The following SRBD1 variants were observed in gnomAD, a reference collection of about 807,000 sequenced individuals.
The protein encoded by SRBD1 is S1 RNA binding domain 1.
A neutral mutation model predicts 115.3 loss-of-function variants in SRBD1; 88 were observed. That is an observed-to-expected ratio of 0.76 (90% CI 0.64 to 0.91). The LOEUF (loss-of-function observed/expected upper bound fraction) is 0.91. SRBD1 is among the 40% of genes least tolerant of loss of function. The pLI, the probability that SRBD1 is intolerant of heterozygous loss-of-function variation, is 0.00. For synonymous variants in SRBD1, 509 were observed against 407.7 expected, an observed-to-expected ratio of 1.25 and a Z score of -2.99; for missense variants, 1,385 against 1,177.4, an observed-to-expected ratio of 1.18 and a Z score of -2.58.
At chr2:45,398,186 A>G (rs1274380095) in intron 19 of SRBD1, among the ~76,000 whole-genome samples, 2 of 152,210 alleles carry the variant, frequency 1.3e-5, no homozygotes, top group African/African-American at 4.8e-5. Flanking sequence ...ACATACTAAG[A>G]TAAACATTTT....
chr2:45,553,674 A>G lies in SRBD1; in HGVS notation c.1466T>C (p.Leu489Pro), dbSNP rs771814222. Reference sequence around the variant, plus strand: ...AATAAGGCGTTTAAAGGAATCATTCAGTGAATTATATAAGATCTTCATTAA... The same window carrying G: ...AATAAGGCGTTTAAAGGAATCATTCGGTGAATTATATAAGATCTTCATTAA... ...PELMKILYNS[L>P]NDSFKRLIYP... The change falls in exon 11 of 21, where the codon CTG (leucine) becomes CCG (proline). Residue 489 changes from leucine to proline, a missense_variant. Physicochemically the swap from Leu to Pro is moderately conservative, Grantham distance 98. Coordinates refer to ENST00000263736, the MANE Select transcript of SRBD1 (RefSeq NM_018079.5). The G allele has an allele frequency of 6.2e-7, 1 of 1,608,724 alleles. No homozygotes were observed. The highest frequency in any genetic ancestry group is 8.5e-7 in the Non-Finnish European group (1 of 1,177,826).
chr2:45,565,994 A>T (rs1160706966), intron 9 of SRBD1, among the ~76,000 whole-genome samples: 1 of 152,226 alleles, frequency 6.6e-6, no homozygotes. Context: ...CAAATGACTG[A>T]TAAGTACATG....
intron 4 of SRBD1, among the ~76,000 whole-genome samples, chr2:45,596,138 C>T (rs1280539365): frequency 6.6e-6 from 1 of 152,174 alleles, no homozygotes. Flanking sequence ...AGTCACTATT[C>T]CCACAACACA....
chr2:45,549,352 C>G (rs530901421), intron 12 of SRBD1, among the ~76,000 whole-genome samples: 2 of 151,326 alleles, frequency 1.3e-5, no homozygotes, highest in East Asian at 3.9e-4. Context: ...TAGAGATATA[C>G]AGTGAGAACA....
chr2:45,517,407 A>G (rs1241076871), intron 14 of SRBD1, among the ~76,000 whole-genome samples: 1 of 152,230 alleles, frequency 6.6e-6, no homozygotes, highest in Non-Finnish European at 1.5e-5. Flanking sequence ...AAAGAAGACT[A>G]AAAAACAAGT....
At chr2:45,571,743 A>G (rs1673025914) in intron 9 of SRBD1, among the ~76,000 whole-genome samples, 3 of 152,082 alleles carry the variant, frequency 2.0e-5, no homozygotes. Flanking sequence ...AAGTACAATG[A>G]CTGAAATAAA....
At chr2:45,558,891 C>T (rs1178520329) in intron 10 of SRBD1, among the ~76,000 whole-genome samples, 1 of 152,014 alleles carries the variant, frequency 6.6e-6, no homozygotes, top group Non-Finnish European at 1.5e-5. Context: ...AGGGTTTCGC[C>T]ATGTTGGTCA....
intron 12 of SRBD1, among the ~76,000 whole-genome samples, chr2:45,548,627 G>C (rs1672193940): frequency 6.6e-6 from 1 of 151,378 alleles, no homozygotes; most frequent in South Asian, 2.1e-4. Context: ...TCTAAGGAAA[G>C]TGTGACTTGA....
chr2:45,413,207 T>C lies in SRBD1; in HGVS notation c.2420A>G (p.Lys807Arg). The C allele has an allele frequency of 6.2e-7, 1 of 1,614,138 alleles. No individual in the cohort carries two copies. ...ATTCACTGCAGTTTTGCTCTTCTTT[T>C]TGCCCTGCTTCTCATTTGTGACCTC... ...DVEVTNEKQG[K>R]KKSKTAVNVL... Residue 807 changes from lysine (K) to arginine (R), a missense_variant, in exon 19 of 21, where the codon AAA (lysine) becomes AGA (arginine). Lys to Arg is a conservative substitution (Grantham distance 26). Coordinates refer to ENST00000263736, the MANE Select transcript of SRBD1 (RefSeq NM_018079.5).
At chr2:45,466,583 G>C (rs1180724629) in intron 16 of SRBD1, among the ~76,000 whole-genome samples, 1 of 151,984 alleles carries the variant, frequency 6.6e-6, no homozygotes, top group Non-Finnish European at 1.5e-5. Flanking sequence ...TATTTTTATG[G>C]TAATCATCAA....
Position 45,579,884 on chromosome 2 carries a change from C to T in SRBD1, c.1063G>A (p.Asp355Asn), listed in dbSNP as rs181315995. The change falls in exon 7 of 21, where the codon GAC becomes AAC. Residue 355 changes from aspartate to asparagine, a missense_variant. Asp to Asn is a conservative substitution (Grantham distance 23). Transcript: ENST00000263736. The stretch of plus-strand genomic sequence containing the variant: ...TAAATAAAGCCAGTACCTTTAACGT[C>T]AGGCCTAATGTACGATAGCAGACTG... ...ELSLLSYIRP[D>N]VKGLSTLQDI... The T allele has an allele frequency of 1.4e-4, 227 of 1,578,116 alleles. No individual in the cohort carries two copies. The Admixed American group carries it at 4.4e-3, about 31-fold the overall frequency.
rs1480250145 is a variant in SRBD1 at position 45,418,439 on chromosome 2, C to A, written c.2259G>T (p.Gly753=). 1.9e-6 allele frequency: 3 copies of A among 1,613,748 alleles called. No individual in the cohort carries two copies. The highest frequency in any genetic ancestry group is 2.5e-6 in the Non-Finnish European group (3 of 1,179,954). Residue 753 remains glycine, a synonymous_variant, in exon 18 of 21, where the codon GGG becomes GGT. Transcript: ENST00000263736. The part of the protein sequence containing the change: ...INREQLKKVK[G]LGPKSFQQCA... ...ACTGTTGGAAGGATTTTGGGCCCAG[C>A]CCTTTCACTTTCTTCAGCTGTTCTC... is the stretch of plus-strand genomic sequence containing the variant.
chr2:45,436,040 A>G (rs1668487742), intron 16 of SRBD1, among the ~76,000 whole-genome samples: 1 of 152,204 alleles, frequency 6.6e-6, no homozygotes, highest in South Asian at 2.1e-4. Context: ...AACAATCTAT[A>G]AGAAGAATTA....
intron 12 of SRBD1, among the ~76,000 whole-genome samples, chr2:45,548,334 A>G (rs551583989): frequency 6.6e-6 from 1 of 152,104 alleles, no homozygotes; most frequent in East Asian, 1.9e-4. Flanking sequence ...AGCAATACCA[A>G]TCAAGTAAAA....
chr2:45,438,572 T>C (rs1668569294), intron 16 of SRBD1, among the ~76,000 whole-genome samples: 1 of 152,126 alleles, frequency 6.6e-6, no homozygotes, highest in Non-Finnish European at 1.5e-5. Context: ...AAATACAGCA[T>C]CTGAAATAAA....
chr2:45,509,397 C>A (rs1393667130), intron 14 of SRBD1, among the ~76,000 whole-genome samples: 2 of 152,020 alleles, frequency 1.3e-5, no homozygotes, highest in Non-Finnish European at 2.9e-5. Context: ...GAGATCGAGA[C>A]CATCCTGGCT....
chr2:45,505,145 T>A (rs143733221), intron 14 of SRBD1, among the ~76,000 whole-genome samples: 4 of 152,274 alleles, frequency 2.6e-5, no homozygotes, highest in African/African-American at 4.8e-5. Flanking sequence ...ACAAATGCCC[T>A]CAGCCTCTTC....
At position 45,391,112 on chromosome 2, in the gene SRBD1, C is replaced by G. The variant is rs1666986323; in HGVS notation, c.2699-1513G>C. On this transcript the variant is annotated intron_variant, in intron 20 of 20. Coordinates refer to ENST00000263736, the MANE Select transcript of SRBD1 (RefSeq NM_018079.5). ...TGGGGAGGTCCAGCTGCTGCAGATT[C>G]CCTAAGGGTTCCTGATCAGCTGTTT... Among the ~76,000 whole-genome samples the G allele has an allele frequency of 3.9e-5, 6 of 152,250 alleles. No homozygotes were observed. In the South Asian group the frequency reaches 1.2e-3, roughly 32 times the overall value.
rs189718093 is a variant in SRBD1 at position 45,595,628 on chromosome 2, C to G, written c.648+3821G>C. ...CCCTGTTCTCAACCATGTTTACAAG[C>G]AGGAATACAGTTTTAAGACAAAATT... On this transcript the variant is annotated intron_variant, in intron 4 of 20. Coordinates refer to ENST00000263736, the MANE Select transcript of SRBD1 (RefSeq NM_018079.5). Among the ~76,000 whole-genome samples, 28 of 152,282 alleles carry G rather than the reference C, an allele frequency of 1.8e-4. No individual in the cohort carries two copies. In the East Asian group the frequency reaches 4.2e-3, roughly 23 times the overall value.
Sources: gnomAD v4.1 joint callset for allele counts (sites outside exome capture counted in the v4.1 genomes callset) on GRCh38, gnomAD v4.1.1 for gene constraint, MANE v1.5 for transcripts, NCBI Gene and HGNC (gene_info 2026-07-23, HGNC 2026-07-21) for gene names.